Variants in SYNRG observed in about 807,000 individuals in gnomAD.
The protein encoded by SYNRG is synergin gamma.
A neutral mutation model predicts 130.9 loss-of-function variants in SYNRG; 37 were observed. The observed-to-expected ratio is 0.28, with a 90% CI of 0.22 to 0.37. The LOEUF (loss-of-function observed/expected upper bound fraction) is 0.37, where lower values mean the gene tolerates loss of function less well. SYNRG is among the 10% of genes least tolerant of loss of function. SYNRG has a pLI of 1.00. For synonymous variants in SYNRG, 539 were observed against 568.1 expected, an observed-to-expected ratio of 0.95 and a Z score of 0.73; for missense variants, 1,338 against 1,588.9, an observed-to-expected ratio of 0.84 and a Z score of 2.68.
At chr17:37,544,732 GA>G (rs1467606788) in intron 14 of SYNRG, among the ~76,000 whole-genome samples, 6 of 152,302 alleles carry the variant, frequency 3.9e-5, no homozygotes, top group Non-Finnish European at 8.8e-5. Context: ...AAAGGGACCA[GA>G]AGGTGTCCAG....
intron 19 of SYNRG, among the ~76,000 whole-genome samples, chr17:37,525,826 T>C (rs56725989): frequency 0.18 from 27,633 of 152,056 alleles, 3,157 homozygotes; most frequent in East Asian, 0.59. Context: ...ATTAGCCAGG[T>C]GTGGTGGCGC....
chr17:37,528,569 G>A (rs1040280141), intron 19 of SYNRG, among the ~76,000 whole-genome samples: 1 of 152,176 alleles, frequency 6.6e-6, no homozygotes, highest in Admixed American at 6.5e-5. Context: ...ATAGTGTTAA[G>A]CATTAAAAGC....
At chr17:37,568,540 G>C (rs114201342) in intron 11 of SYNRG, 295 of 374,858 alleles carry the variant, frequency 7.9e-4, no homozygotes, top group African/African-American at 5.6e-3. Context: ...TATAATAAAG[G>C]TTTGGCACAG....
At chr17:37,578,940 A>C (rs2061069715) in intron 6 of SYNRG, among the ~76,000 whole-genome samples, 1 of 152,180 alleles carries the variant, frequency 6.6e-6, no homozygotes, top group African/African-American at 2.4e-5. Context: ...AAAAGTTTTA[A>C]ATCACCTTTC....
At position 37,577,556 on chromosome 17, in the gene SYNRG, TCC is replaced by T; in HGVS notation, c.645_646del (p.Glu216ThrfsTer3). ...TTCAGAAGTATTTAATTTAATTTGT[TCC>T]TGCCCAGATGTACTTATATCACAAG... is the stretch of plus-strand genomic sequence containing the variant. On this transcript the variant is annotated frameshift_variant, in exon 7 of 22. Transcript: ENST00000612223. LOFTEE classifies it high-confidence loss of function. 1 of 1,614,190 alleles carries T rather than the reference TCC, an allele frequency of 6.2e-7. No individual in the cohort carries two copies. The highest frequency in any genetic ancestry group is 1.1e-5 in the South Asian group (1 of 91,080).
chr17:37,553,594 T>C lies in SYNRG; in HGVS notation c.2129A>G (p.Asp710Gly). ...TTCCTCTTTAAGGGCATCATATTTG[T>C]CATCCGGCTTTTGCTCAGATGAAAT... is the stretch of plus-strand genomic sequence containing the variant. ...SSISSEQKPD[D>G]KYDALKEEAS... Residue 710 changes from aspartate to glycine, a missense_variant, in exon 14 of 22, where the codon GAC becomes GGC. Around this residue, in one of 3 missense-constraint regions of SYNRG, gnomAD observed 1,146 missense variants for 1,342.3 expected, o/e 0.85. Coordinates refer to ENST00000612223, the MANE Select transcript of SYNRG (RefSeq NM_007247.6). The C allele has an allele frequency of 6.2e-7, 1 of 1,614,130 alleles. No individual in the cohort carries two copies. The highest frequency in any genetic ancestry group is 8.5e-7 in the Non-Finnish European group (1 of 1,180,012).
At chr17:37,528,704 T>G (rs1156497290) in intron 19 of SYNRG, among the ~76,000 whole-genome samples, 3 of 152,236 alleles carry the variant, frequency 2.0e-5, no homozygotes, top group African/African-American at 7.2e-5. Flanking sequence ...GATGTTGGTT[T>G]ATGTCATTTA....
In SYNRG at chr17:37,542,208, G is replaced by A. The variant is rs749039222; in HGVS notation, c.2966C>T (p.Thr989Ile). The change falls in exon 15 of 22, where the codon ACA becomes ATA. Residue 989 changes from threonine (T) to isoleucine (I), a missense_variant. This residue lies in a region of SYNRG where 1,146 missense variants were observed against 1,342.3 expected (regional missense o/e 0.85). Coordinates refer to ENST00000612223, the MANE Select transcript of SYNRG (RefSeq NM_007247.6). ...EYENRDYKDF[T>I]KQDLPTAERS... ...TTCAGCCGTAGGCAGGTCCTGTTTT[G>A]TGAAATCTTTATAGTCTCTGTTTTC... 6.2e-7 allele frequency: 1 copy of A among 1,614,196 alleles called. No homozygotes were observed. Among genetic ancestry groups the A allele is most frequent in the Non-Finnish European group, 8.5e-7 (1 of 1,180,034 alleles).
intron 15 of SYNRG, 171 bp from the exon 16 acceptor site, chr17:37,540,714 A>G: frequency 1.3e-6 from 1 of 786,482 alleles, no homozygotes; most frequent in Non-Finnish European, 1.8e-6. Flanking sequence ...GGCTCAGTGC[A>G]ACCTCCGCCT....
chr17:37,564,995 G>T (rs1009673032), intron 11 of SYNRG, among the ~76,000 whole-genome samples: 1 of 152,206 alleles, frequency 6.6e-6, no homozygotes, highest in African/African-American at 2.4e-5. Context: ...TGGGCATGGT[G>T]GCTCACGCCT....
chr17:37,609,373 G>C lies in SYNRG; in HGVS notation c.-18C>G. 2 of 1,411,442 alleles carry C rather than the reference G, an allele frequency of 1.4e-6. No individual in the cohort carries two copies. Among genetic ancestry groups the C allele is most frequent in the Non-Finnish European group, 1.8e-6 (2 of 1,087,066 alleles). The allele number at this position is 1,411,442 out of a possible 1,614,324, so 87.4% of individuals were successfully genotyped here. On this transcript the variant is annotated 5_prime_UTR_variant, in exon 1 of 22. Coordinates refer to ENST00000612223, the MANE Select transcript of SYNRG (RefSeq NM_007247.6). The stretch of plus-strand genomic sequence containing the variant: ...AGCGCCATCTTGCTCCCGACCTGCC[G>C]CTGCCTTCGCCGCCGCCACCTTATC...
At chr17:37,586,723 ATATAT>A (rs1411320951) in intron 3 of SYNRG, among the ~76,000 whole-genome samples, 174 bp from the exon 4 acceptor site, 4 of 152,210 alleles carry the variant, frequency 2.6e-5, no homozygotes, top group Non-Finnish European at 2.9e-5. Flanking sequence ...ATACAAAGAA[ATATAT>A]TATATTAAAA....
At chr17:37,560,751 T>TCTCAGTTCACTGCAACCTTGAA (rs2059465409) in intron 13 of SYNRG, among the ~76,000 whole-genome samples, 1 of 150,792 alleles carries the variant, frequency 6.6e-6, no homozygotes, top group Non-Finnish European at 1.5e-5. Flanking sequence ...CACTGCAACC[T>TCTCAGTTCACTGCAACCTTGAA]CTGCCTGGGT....
intron 3 of SYNRG, among the ~76,000 whole-genome samples, chr17:37,590,940 C>G (rs1487775211): frequency 6.6e-6 from 1 of 151,860 alleles, no homozygotes; most frequent in African/African-American, 2.4e-5. Flanking sequence ...CTATAAACAC[C>G]GAATTCATGA....
chr17:37,552,818 T>C (rs1481481716), intron 14 of SYNRG, among the ~76,000 whole-genome samples: 2 of 152,228 alleles, frequency 1.3e-5, no homozygotes, highest in African/African-American at 4.8e-5. Flanking sequence ...TTTCTGGCAA[T>C]GTGAGGTTCA....
At chr17:37,562,540 C>T (rs968985593) in intron 11 of SYNRG, among the ~76,000 whole-genome samples, 6 of 152,114 alleles carry the variant, frequency 3.9e-5, no homozygotes, top group African/African-American at 1.2e-4. Flanking sequence ...TTGAGTTCTT[C>T]GCCCTGGAGC....
At chr17:37,559,638 C>T (rs796260918) in intron 13 of SYNRG, among the ~76,000 whole-genome samples, 21 of 152,122 alleles carry the variant, frequency 1.4e-4, no homozygotes, top group African/African-American at 4.3e-4. Flanking sequence ...TGCAGTGAGC[C>T]AAGATCATGC....
At chr17:37,542,635 G>T in intron 14 of SYNRG, 70 bp from the exon 15 acceptor site, 2 of 1,139,076 alleles carry the variant, frequency 1.8e-6, no homozygotes, top group Non-Finnish European at 2.5e-6. Context: ...CTCTGTAGAA[G>T]CAAAATGCCT....
At chr17:37,583,764 G>A (rs1015746542) in intron 6 of SYNRG, among the ~76,000 whole-genome samples, 1 of 152,062 alleles carries the variant, frequency 6.6e-6, no homozygotes, top group Non-Finnish European at 1.5e-5. Flanking sequence ...GCATGATCTC[G>A]GCTCACTGTA....
Sources: allele counts gnomAD v4.1 joint callset (sites outside exome capture counted in the v4.1 genomes callset), GRCh38; gene constraint gnomAD v4.1.1; regional missense constraint gnomAD v4.1.1; transcripts MANE v1.5; gene names NCBI Gene and HGNC (gene_info 2026-07-23, HGNC 2026-07-21).